Variants in SMG1 observed in about 807,000 individuals in gnomAD.
SMG1 encodes SMG1 nonsense mediated mRNA decay associated PI3K related kinase, also known as serine/threonine-protein kinase SMG1.
A neutral mutation model predicts 419.9 loss-of-function variants in SMG1; 22 were observed. The ratio of observed to expected loss-of-function variants is 0.05; its 90% CI spans 0.04 to 0.07. The LOEUF (loss-of-function observed/expected upper bound fraction) is 0.07. Ranked by LOEUF, SMG1 falls within the 10% of genes least tolerant of loss-of-function variation. The probability of loss-of-function intolerance (pLI) is 1.00; values close to 1 mark genes in which losing one functional copy is unlikely to be tolerated. For missense variants in SMG1, 3,185 were observed against 4,342.0 expected (o/e 0.73, Z 7.49); for synonymous variants, 1,538 against 1,553.5 (o/e 0.99, Z 0.23).
chr16:18,889,447 T>G lies in SMG1; in HGVS notation c.747A>C (p.Lys249Asn). ...TGTAGGTGGCACATAAGTAGAGGAG[T>G]TTAACTTCATCTTTTGCAGATGAGC... ...KFSSSAKDEV[K>N]LLYLCATYKA... The change falls in exon 6 of 63, where the codon AAA becomes AAC. Residue 249 changes from lysine to asparagine, a missense_variant. Physicochemically the swap from Lys to Asn is moderately conservative, Grantham distance 94. Coordinates refer to ENST00000446231, the MANE Select transcript of SMG1 (RefSeq NM_015092.5). The G allele has an allele frequency of 1.7e-6, 1 of 595,652 alleles. No homozygotes were observed. The highest frequency in any genetic ancestry group is 2.9e-6 in the Non-Finnish European group (1 of 342,696). 36.9% of individuals were successfully genotyped at this position (595,652 alleles called of 1,614,324 possible).
chr16:18,886,028 G>GT (rs2036598134), intron 6 of SMG1, among the ~76,000 whole-genome samples: 1 of 152,048 alleles, frequency 6.6e-6, no homozygotes. Context: ...AACAAATACT[G>GT]TTTTCTCTTC....
At chr16:18,885,430 T>C in intron 7 of SMG1, 111 bp downstream of exon 7, 1 of 1,349,152 alleles carries the variant, frequency 7.4e-7, no homozygotes, top group Non-Finnish European at 1.0e-6. Flanking sequence ...CAAATATCAC[T>C]GATTATATTC....
chr16:18,835,106 T>A lies in SMG1; in HGVS notation c.8116A>T (p.Thr2706Ser). The A allele has an allele frequency of 6.2e-7, 1 of 1,613,940 alleles. No homozygotes were observed. The highest frequency in any genetic ancestry group is 8.5e-7 in the Non-Finnish European group (1 of 1,179,826). Residue 2706 changes from threonine (T) to serine (S), a missense_variant, in exon 49 of 63, where the codon ACT becomes TCT. By Grantham distance (58) the Thr-to-Ser change is moderately conservative (BLOSUM62 1). This residue lies in a region of SMG1 where 412 missense variants were observed against 546.6 expected (regional missense o/e 0.75). Transcript: ENST00000446231. ...GCGTATCGCTGCAGGGTCATTTCAG[T>A]GGCAGTGATGAACTGACACACTGTT... ...PPTVCQFITA[T>S]EMTLQRYAAD...
At position 18,829,735 on chromosome 16, in the gene SMG1, G is replaced by C; in HGVS notation, c.9154C>G (p.Gln3052Glu). 6.2e-7 allele frequency: 1 copy of C among 1,600,382 alleles called. No homozygotes were observed. The highest frequency in any genetic ancestry group is 1.1e-5 in the South Asian group (1 of 90,000). The change falls in exon 54 of 63, where the codon CAG (glutamine) becomes GAG (glutamate). Residue 3052 changes from glutamine to glutamate, a missense_variant. Physicochemically the swap from Gln to Glu is conservative, Grantham distance 29. Transcript: ENST00000446231. ...TGTACAGGCCCATTCACAGTATTCT[G>C]ATCTTCAAGTGAACTTGATCCTACA... is the stretch of plus-strand genomic sequence containing the variant. ...TLSGSSSLED[Q>E]NTVNGPVQIV... is the part of the protein sequence containing the mutation.
chr16:18,864,187 C>CTTTTTTT (rs748193551), intron 23 of SMG1, 43 bp from the exon 24 acceptor site: 25 of 598,088 alleles, frequency 4.2e-5, no homozygotes, highest in African/African-American at 1.8e-4. Flanking sequence ...TATCTACTTA[C>CTTTTTTT]TTTTTTTTTT....
At chr16:18,838,864 A>G (rs1445713333) in intron 42 of SMG1, among the ~76,000 whole-genome samples, 175 bp from the exon 43 acceptor site, 1 of 152,240 alleles carries the variant, frequency 6.6e-6, no homozygotes, top group East Asian at 1.9e-4. Context: ...GCAGGCATAC[A>G]ACACTGTAGA....
chr16:18,916,384 G>C (rs1238543537), intron 1 of SMG1, among the ~76,000 whole-genome samples: 1 of 150,830 alleles, frequency 6.6e-6, no homozygotes, highest in Admixed American at 6.6e-5. Flanking sequence ...GCGAGGTGGC[G>C]GGCGCCTGTA....
chr16:18,849,864 AATAAAC>A (rs2034492358), intron 35 of SMG1, 79 bp downstream of exon 35: 4 of 1,313,574 alleles, frequency 3.0e-6, no homozygotes. Flanking sequence ...ACATTCAAAT[AATAAAC>A]ATAAGGAAAC....
rs2036916955 is a variant in SMG1 at position 18,892,266 on chromosome 16, A to G, written c.501T>C (p.Ala167=). Residue 167 remains alanine (A), a synonymous_variant, in exon 4 of 63, where the codon GCT becomes GCC. Coordinates refer to ENST00000446231, the MANE Select transcript of SMG1 (RefSeq NM_015092.5). ...TREDDRDRRL[A]TVKQLKEFIQ... is the part of the protein sequence containing the mutation. ...TAAATTCTTTCAACTGCTTTACAGT[A>G]GCCAATCTTCGGTCTCTGTCGTCTT... is the stretch of plus-strand genomic sequence containing the variant. The G allele has an allele frequency of 1.3e-6, 2 of 1,551,372 alleles. No individual in the cohort carries two copies. The highest frequency in any genetic ancestry group is 1.2e-5 in the South Asian group (1 of 84,234).
intron 1 of SMG1, among the ~76,000 whole-genome samples, chr16:18,913,202 A>G (rs1050192997): frequency 6.6e-6 from 1 of 152,158 alleles, no homozygotes; most frequent in Non-Finnish European, 1.5e-5. Flanking sequence ...TTCCACTATT[A>G]AAATCAAATT....
chr16:18,813,670 G>T (rs1386176595), intron 60 of SMG1, among the ~76,000 whole-genome samples: 4 of 152,126 alleles, frequency 2.6e-5, no homozygotes, highest in Non-Finnish European at 5.9e-5. Flanking sequence ...AGTTTAATTA[G>T]ATTCCATTTT....
chr16:18,849,185 A>G (rs749875810), intron 36 of SMG1, 32 bp downstream of exon 36: 4 of 1,488,474 alleles, frequency 2.7e-6, no homozygotes, highest in Non-Finnish European at 2.7e-6. Flanking sequence ...AGTCATTTAT[A>G]CTCAAAGTAG....
chr16:18,865,534 C>A (rs534389577), intron 23 of SMG1, among the ~76,000 whole-genome samples: 1 of 132,662 alleles, frequency 7.5e-6, no homozygotes, highest in African/African-American at 4.1e-5. Flanking sequence ...TTAAGTGCTA[C>A]GGTACATTTA....
intron 48 of SMG1, 58 bp from the exon 49 acceptor site, chr16:18,835,222 G>T (rs2033480459): frequency 2.0e-6 from 3 of 1,497,476 alleles, no homozygotes; most frequent in Admixed American, 4.1e-5. Flanking sequence ...ACATACAAAA[G>T]AATATTGCAT....
At chr16:18,819,678 G>C (rs770993518) in intron 55 of SMG1, 24 bp from the exon 56 acceptor site, 1 of 1,522,228 alleles carries the variant, frequency 6.6e-7, no homozygotes, top group Non-Finnish European at 8.8e-7. Flanking sequence ...CAGAATCTTG[G>C]TGAAGGTATA....
intron 29 of SMG1, chr16:18,857,151 GTA>G (rs1351595189): frequency 6.6e-6 from 1 of 152,242 alleles, no homozygotes; most frequent in Non-Finnish European, 1.5e-5. Context: ...ACAGCTTCAA[GTA>G]ACCACTCTGC....
Position 18,916,780 on chromosome 16 carries a change from G to A in SMG1, c.92+9170C>T, listed in dbSNP as rs575067695. On this transcript the variant is annotated intron_variant, in intron 1 of 62. Coordinates refer to ENST00000446231, the MANE Select transcript of SMG1 (RefSeq NM_015092.5). The stretch of plus-strand genomic sequence containing the variant: ...AAAAACTTCAAGATAGTCAAAGACA[G>A]GTAACCAAAATAATGACAACATGAA... 3.3e-5 allele frequency among the ~76,000 whole-genome samples: 5 copies of A among 152,178 alleles called. 1 individual carries two copies. Among genetic ancestry groups the A allele is most frequent in the East Asian group, 3.9e-4 (2 of 5,124 alleles).
intron 25 of SMG1, among the ~76,000 whole-genome samples, chr16:18,863,202 T>G (rs1436442978): frequency 6.6e-6 from 1 of 152,222 alleles, no homozygotes; most frequent in African/African-American, 2.4e-5. Context: ...GAGTGAGTGC[T>G]CAGTTTTGAA....
chr16:18,819,373 C>A, intron 56 of SMG1, 129 bp downstream of exon 56: 1 of 931,094 alleles, frequency 1.1e-6, no homozygotes, highest in Non-Finnish European at 1.6e-6. Flanking sequence ...GCCCATCCGT[C>A]CCTCCTCCCA....
Sources: allele counts gnomAD v4.1 joint callset (sites outside exome capture counted in the v4.1 genomes callset), GRCh38; gene constraint gnomAD v4.1.1; regional missense constraint gnomAD v4.1.1; transcripts MANE v1.5; gene names NCBI Gene and HGNC (gene_info 2026-07-23, HGNC 2026-07-21).